CFAP299: variants seen among roughly 807,000 people sequenced by gnomAD.
The protein encoded by CFAP299 is cilia- and flagella-associated protein 299.
CFAP299 carries 21 observed loss-of-function variants against 27.0 expected under a neutral mutation model. That is an observed-to-expected ratio of 0.78 (90% CI 0.55 to 1.12). The LOEUF is 1.12. CFAP299 is among the 50% of genes most tolerant of loss of function. CFAP299 has a pLI of 0.00. For synonymous variants in CFAP299, 104 were observed against 98.1 expected (o/e 1.06, Z -0.36); for missense variants, 310 against 276.6 (o/e 1.12, Z -0.86).
intron 1 of CFAP299, among the ~76,000 whole-genome samples, chr4:80,341,194 G>C (rs918721594): frequency 2.6e-5 from 4 of 152,216 alleles, no homozygotes; most frequent in African/African-American, 7.2e-5. Context: ...TCTCTTCCTG[G>C]GAAAGAGCCT....
chr4:80,684,096 T>A (rs140223276), intron 3 of CFAP299, among the ~76,000 whole-genome samples: 11 of 152,344 alleles, frequency 7.2e-5, no homozygotes, highest in African/African-American at 2.4e-4. Flanking sequence ...TCTTGCCTAT[T>A]ACAGTTGTCC....
chr4:80,883,408 A>G (rs141412970), intron 4 of CFAP299, among the ~76,000 whole-genome samples: 45 of 152,304 alleles, frequency 3.0e-4, no homozygotes, highest in African/African-American at 7.2e-4. Flanking sequence ...TTCAGAAAAC[A>G]ACAAAATGAC....
chr4:80,910,792 C>A (rs1400415355), intron 4 of CFAP299, among the ~76,000 whole-genome samples: 2 of 151,970 alleles, frequency 1.3e-5, no homozygotes, highest in African/African-American at 4.8e-5. Context: ...CACATGTACC[C>A]TGAACTTAAA....
chr4:80,460,792 T>A (rs984200779), intron 2 of CFAP299, among the ~76,000 whole-genome samples: 14 of 152,150 alleles, frequency 9.2e-5, no homozygotes, highest in Admixed American at 9.2e-4. Context: ...TGTCCCAAAA[T>A]CTACCACCTT....
Position 80,714,158 on chromosome 4 carries a change from A to G in CFAP299, c.333+130975A>G, listed in dbSNP as rs115857282. Among the ~76,000 whole-genome samples, 467 of 152,174 alleles carry G rather than the reference A, an allele frequency of 3.1e-3. 3 individuals carry two copies. The highest frequency in any genetic ancestry group is 0.011 in the African/African-American group (437 of 41,546). On this transcript the variant is annotated intron_variant, in intron 3 of 5. Coordinates refer to ENST00000358105, the MANE Select transcript of CFAP299 (RefSeq NM_152770.3). Reference sequence around the variant, plus strand: ...ATTTGAGAAACTGATTTGGAAAGCAATGTTTGCTAGTGACTTTATAGATCC... The same window carrying G: ...ATTTGAGAAACTGATTTGGAAAGCAGTGTTTGCTAGTGACTTTATAGATCC...
At chr4:80,457,656 T>C (rs1364494615) in intron 2 of CFAP299, among the ~76,000 whole-genome samples, 1 of 152,216 alleles carries the variant, frequency 6.6e-6, no homozygotes, top group African/African-American at 2.4e-5. Flanking sequence ...CTGTTTCTTC[T>C]TGACCTTGGA....
intron 2 of CFAP299, among the ~76,000 whole-genome samples, chr4:80,389,577 T>C (rs1404812617): frequency 6.6e-6 from 1 of 152,188 alleles, no homozygotes; most frequent in East Asian, 1.9e-4. Context: ...TTTAGTTGCA[T>C]CAGGTCAAGA....
At position 80,547,759 on chromosome 4, in the gene CFAP299, T is replaced by C. The variant is rs1734310461; in HGVS notation, c.243-35334T>C. On this transcript the variant is annotated intron_variant, in intron 2 of 5. Coordinates refer to ENST00000358105, the MANE Select transcript of CFAP299 (RefSeq NM_152770.3). ...TCAAAGAAAAAGACATACAAACCGC[T>C]AACAAATACATGAAAAAATGTTTGT... is the stretch of plus-strand genomic sequence containing the variant. Among the ~76,000 whole-genome samples the C allele has an allele frequency of 2.6e-5, 4 of 152,052 alleles. No individual in the cohort carries two copies. The South Asian group carries it at 8.3e-4, about 32-fold the overall frequency.
intron 4 of CFAP299, among the ~76,000 whole-genome samples, chr4:80,882,132 C>A (rs919379209): frequency 6.6e-6 from 1 of 151,704 alleles, no homozygotes; most frequent in Non-Finnish European, 1.5e-5. Context: ...AATCAATATA[C>A]GTGTTATGGA....
chr4:80,327,574 G>A, the CFAP299 span, among the ~76,000 whole-genome samples: 2 of 151,230 alleles, frequency 1.3e-5, no homozygotes, highest in Non-Finnish European at 2.9e-5. Flanking sequence ...AAGCCATTTA[G>A]GAGGCTATTA....
the CFAP299 span, among the ~76,000 whole-genome samples, chr4:80,322,541 C>G: frequency 1.3e-5 from 2 of 151,906 alleles, no homozygotes; most frequent in African/African-American, 4.8e-5. Flanking sequence ...CTCTTAAATA[C>G]TAAAGCAGAG....
chr4:80,366,094 TG>T (rs1489421077), intron 2 of CFAP299, among the ~76,000 whole-genome samples: 2 of 152,192 alleles, frequency 1.3e-5, no homozygotes, highest in African/African-American at 4.8e-5. Context: ...CATTTAGTGT[TG>T]TTGACAGCAG....
chr4:80,607,287 A>G (rs1372383588), intron 3 of CFAP299, among the ~76,000 whole-genome samples: 4 of 152,188 alleles, frequency 2.6e-5, no homozygotes, highest in African/African-American at 9.7e-5. Context: ...TTTTCTCGGT[A>G]TCTATCTCCT....
chr4:80,849,078 C>T lies in CFAP299; in HGVS notation c.334-20915C>T, dbSNP rs138483650. On this transcript the variant is annotated intron_variant, in intron 3 of 5. Coordinates refer to ENST00000358105, the MANE Select transcript of CFAP299 (RefSeq NM_152770.3). ...ATTTCAAATTTTTAAAATTTTTTGA[C>T]TCTCTTGTAATAACACAATATAAAA... is the stretch of plus-strand genomic sequence containing the variant. Among the ~76,000 whole-genome samples the T allele has an allele frequency of 6.5e-3, 988 of 152,236 alleles. 33 individuals are homozygous for T. Among genetic ancestry groups the T allele is most frequent in the Admixed American group, 0.06 (922 of 15,286 alleles).
chr4:80,960,591 T>C (rs764019866), intron 5 of CFAP299, among the ~76,000 whole-genome samples: 2 of 151,860 alleles, frequency 1.3e-5, no homozygotes, highest in Non-Finnish European at 3.0e-5. Flanking sequence ...CACTATTATA[T>C]ACTACTACAA....
chr4:80,565,854 G>T (rs1001003153), intron 2 of CFAP299, among the ~76,000 whole-genome samples: 1 of 152,026 alleles, frequency 6.6e-6, no homozygotes, highest in Non-Finnish European at 1.5e-5. Context: ...TTATGTTGGG[G>T]TTTTTGAACC....
intron 3 of CFAP299, among the ~76,000 whole-genome samples, chr4:80,789,444 A>G (rs1727427088): frequency 1.3e-5 from 2 of 152,068 alleles, no homozygotes; most frequent in African/African-American, 4.8e-5. Context: ...AGATAGCCTC[A>G]TGAATTTGGG....
At chr4:80,940,730 T>C (rs2110227404) in intron 4 of CFAP299, among the ~76,000 whole-genome samples, 1 of 152,322 alleles carries the variant, frequency 6.6e-6, no homozygotes, top group East Asian at 1.9e-4. Flanking sequence ...TATTTTCGTT[T>C]GTACAAATTC....
intron 2 of CFAP299, among the ~76,000 whole-genome samples, chr4:80,471,408 T>C (rs1729985368): frequency 6.6e-6 from 1 of 151,872 alleles, no homozygotes; most frequent in African/African-American, 2.4e-5. Flanking sequence ...CATTATATAT[T>C]ATGCCTTAAA....
Sources: allele counts gnomAD v4.1 joint callset (sites outside exome capture counted in the v4.1 genomes callset), GRCh38; gene constraint gnomAD v4.1.1; transcripts MANE v1.5; gene names NCBI Gene and HGNC (gene_info 2026-07-23, HGNC 2026-07-21).